TMPRSS9: variants seen among roughly 807,000 people sequenced by gnomAD.
TMPRSS9 encodes transmembrane serine protease 9.
Under a neutral mutation model 111.4 loss-of-function variants are expected in TMPRSS9, and 113 were observed. That is an observed-to-expected ratio of 1.01 (90% confidence interval 0.87 to 1.19). The LOEUF (loss-of-function observed/expected upper bound fraction) is 1.19. TMPRSS9 is among the 50% of genes most tolerant of loss of function. TMPRSS9 has a pLI of 0.00. For synonymous variants in TMPRSS9, 805 were observed against 659.1 expected (o/e 1.22, Z -3.39); for missense variants, 1,803 against 1,513.1 (o/e 1.19, Z -3.18).
At chr19:2,372,186 G>A (rs6510660) in intron 1 of TMPRSS9, among the ~76,000 whole-genome samples, 74,429 of 151,740 alleles carry the variant, frequency 0.49, 20,403 homozygotes, top group African/African-American at 0.74. Context: ...ATCTTGGTGC[G>A]CAGTTCAGAT....
At chr19:2,377,470 T>TCC (rs1339299061) in intron 1 of TMPRSS9, among the ~76,000 whole-genome samples, 1 of 36,068 alleles carries the variant, frequency 2.8e-5, no homozygotes, top group Non-Finnish European at 4.9e-5. Context: ...CTCTCCCCTC[T>TCC]CCCCTCTCCT....
In TMPRSS9 at chr19:2,425,140, G is replaced by C. The variant is rs746577390; in HGVS notation, c.2856G>C (p.Leu952=). Residue 952 remains leucine (L), a synonymous_variant, in exon 16 of 18, where the codon CTG becomes CTC. Coordinates refer to ENST00000648592, the Ensembl canonical transcript of TMPRSS9. Reference sequence around the variant, plus strand: ...ACACGCTCGACTACGACGTGGCGCTGCTGGAGCTGGCGGGGCCGGTGCGTC... The same window carrying C: ...ACACGCTCGACTACGACGTGGCGCTCCTGGAGCTGGCGGGGCCGGTGCGTC... 3.8e-6 allele frequency: 6 copies of C among 1,579,750 alleles called. No individual in the cohort carries two copies. In the South Asian group the frequency reaches 5.6e-5, roughly 15 times the overall value.
chr19:2,425,331 G>C (rs1468514220), intron 16 of TMPRSS9, 26 bp from the exon 18 acceptor site: 1 of 1,409,988 alleles, frequency 7.1e-7, no homozygotes, highest in Non-Finnish European at 9.3e-7. Context: ...GTCCCCACCC[G>C]CCCCGTCTCG....
At chr19:2,422,415 T>C (rs1451500735) in intron 14 of TMPRSS9, among the ~76,000 whole-genome samples, 168 bp downstream of exon 15, 3 of 150,000 alleles carry the variant, frequency 2.0e-5, no homozygotes, top group African/African-American at 7.4e-5. Context: ...TTGTCTCTAC[T>C]AAAAAAATAC....
chr19:2,379,475 G>A (rs557967174), intron 1 of TMPRSS9, among the ~76,000 whole-genome samples: 7 of 151,830 alleles, frequency 4.6e-5, no homozygotes, highest in East Asian at 3.9e-4. Flanking sequence ...ATGAGCCACC[G>A]TGCCCAGCAA....
chr19:2,372,246 G>A (rs1044173313), intron 1 of TMPRSS9, among the ~76,000 whole-genome samples: 3 of 152,060 alleles, frequency 2.0e-5, no homozygotes, highest in Admixed American at 6.6e-5. Context: ...TCACGCAGGC[G>A]GGCGAGTCTC....
At chr19:2,390,254 T>TTG (rs1555677521) in intron 1 of TMPRSS9, among the ~76,000 whole-genome samples, 4 of 124,924 alleles carry the variant, frequency 3.2e-5, no homozygotes, top group African/African-American at 1.2e-4. Flanking sequence ...TTTTTTTTTT[T>TTG]TTTTGAGACG....
chr19:2,396,236 C>T (rs554762246), intron 1 of TMPRSS9: 6 of 283,554 alleles, frequency 2.1e-5, no homozygotes, highest in South Asian at 2.1e-4. Flanking sequence ...TTTCTGCCTT[C>T]GAGGAAAACA....
At chr19:2,413,666 C>A in intron 9 of TMPRSS9, 34 bp from the exon 11 acceptor site, 1 of 1,573,240 alleles carries the variant, frequency 6.4e-7, no homozygotes. Context: ...TGGCTGCTGC[C>A]GACCCATCCT....
chr19:2,409,012 AATAATAATAATAATAATAATG>A (rs1971036818), intron 8 of TMPRSS9, among the ~76,000 whole-genome samples: 1 of 139,858 alleles, frequency 7.2e-6, no homozygotes, highest in South Asian at 2.2e-4. Flanking sequence ...TAATAATAAT[AATAATAATAATAATAATAATG>A]ATGATGCAGA....
chr19:2,377,006 T>A (rs1970340608), intron 1 of TMPRSS9, among the ~76,000 whole-genome samples: 2 of 151,842 alleles, frequency 1.3e-5, no homozygotes, highest in African/African-American at 4.8e-5. Context: ...CCCGAGAAAC[T>A]GGAGTGGCCA....
intron 1 of TMPRSS9, among the ~76,000 whole-genome samples, chr19:2,374,196 A>G (rs74441400): frequency 0.03 from 4,262 of 142,510 alleles, 216 homozygotes; most frequent in African/African-American, 0.1. Flanking sequence ...TGACAAGGAG[A>G]GGCTCAAAGT....
At position 2,402,416 on chromosome 19, in the gene TMPRSS9, T is replaced by C. The variant is rs189531405; in HGVS notation, c.556+400T>C. Among the ~76,000 whole-genome samples the C allele has an allele frequency of 4.4e-3, 669 of 152,032 alleles. 3 individuals are homozygous for C. The highest frequency in any genetic ancestry group is 0.015 in the African/African-American group (634 of 41,494). Reference sequence around the variant, plus strand: ...GAGATCACGCCACTGCACTCCAGCCTGGGTGACAGAGTGAAACTGTGTCTC... The same window carrying C: ...GAGATCACGCCACTGCACTCCAGCCCGGGTGACAGAGTGAAACTGTGTCTC... On this transcript the variant is annotated intron_variant, in intron 5 of 17. Coordinates refer to ENST00000648592, the Ensembl canonical transcript of TMPRSS9.
upstream of TMPRSS9, among the ~76,000 whole-genome samples, chr19:2,387,826 A>T (rs1970509571): frequency 1.3e-5 from 2 of 152,044 alleles, no homozygotes; most frequent in Non-Finnish European, 2.9e-5. Flanking sequence ...GAGGGATTTT[A>T]GTGTGTGTGT....
chr19:2,395,612 TGAGGCGGCAGGAGAATTGCTTGAACCCGG>T (rs1224089547), intron 1 of TMPRSS9, among the ~76,000 whole-genome samples: 2 of 151,348 alleles, frequency 1.3e-5, no homozygotes, highest in African/African-American at 4.9e-5. Context: ...CTCCGGAGGC[TGAGGCGGCAGGAGAATTGCTTGAACCCGG>T]GAGGCGGAGG....
intron 12 of TMPRSS9, among the ~76,000 whole-genome samples, chr19:2,417,463 T>A (rs573063813): frequency 8.8e-6 from 1 of 114,112 alleles, no homozygotes; most frequent in African/African-American, 3.6e-5. Context: ...GAGACTCCCA[T>A]CTCAAAAAAA....
chr19:2,420,717 G>A (rs1971444943), intron 13 of TMPRSS9, among the ~76,000 whole-genome samples: 1 of 152,196 alleles, frequency 6.6e-6, no homozygotes, highest in African/African-American at 2.4e-5. Flanking sequence ...AAAGTGGGAA[G>A]CATAGCAATG....
Position 2,390,447 on chromosome 19 carries a change from G to A in TMPRSS9, c.142+520G>A, listed in dbSNP as rs919287921. 1.5e-3 allele frequency among the ~76,000 whole-genome samples: 229 copies of A among 149,260 alleles called. 2 individuals carry two copies. The highest frequency in any genetic ancestry group is 5.4e-3 in the African/African-American group (221 of 41,264). ...TTTAGTAGAGACGGGGTTTCACCGT[G>A]TTAGCCAGGATGGTCTCGATCTCCT... On this transcript the variant is annotated intron_variant, in intron 1 of 17. Transcript: ENST00000648592.
chr19:2,372,593 CT>C (rs1970299471), intron 1 of TMPRSS9, among the ~76,000 whole-genome samples: 1 of 152,126 alleles, frequency 6.6e-6, no homozygotes, highest in Non-Finnish European at 1.5e-5. Context: ...CCAGAACCTT[CT>C]CTCTCTGCCT....
Sources: allele counts gnomAD v4.1 joint callset (sites outside exome capture counted in the v4.1 genomes callset), GRCh38; gene constraint gnomAD v4.1.1; transcripts MANE v1.5; gene names NCBI Gene and HGNC (gene_info 2026-07-23, HGNC 2026-07-21).